The following STRBP variants were observed in gnomAD, a reference collection of about 807,000 sequenced individuals.
The protein encoded by STRBP is spermatid perinuclear RNA binding protein.
STRBP carries 13 observed loss-of-function variants against 80.1 expected under a neutral mutation model. The ratio of observed to expected loss-of-function variants is 0.16; its 90% CI spans 0.11 to 0.26. The LOEUF is 0.26. STRBP is among the 10% of genes least tolerant of loss of function. The pLI, the probability that STRBP is intolerant of heterozygous loss-of-function variation, is 1.00. For missense variants in STRBP, 485 were observed against 815.2 expected, an observed-to-expected ratio of 0.59 and a Z score of 4.93; for synonymous variants, 284 against 291.2, an observed-to-expected ratio of 0.98 and a Z score of 0.25.
chr9:123,227,863 C>G (rs746783278), intron 2 of STRBP, among the ~76,000 whole-genome samples: 2 of 152,090 alleles, frequency 1.3e-5, no homozygotes, highest in Admixed American at 1.3e-4. Context: ...CCGGCCTGAT[C>G]TGACATATTT....
intron 11 of STRBP, among the ~76,000 whole-genome samples, chr9:123,148,501 C>T (rs1349285993): frequency 6.6e-6 from 1 of 152,108 alleles, no homozygotes; most frequent in East Asian, 1.9e-4. Context: ...GTCTAGAAGG[C>T]TATATATCAA....
intron 2 of STRBP, among the ~76,000 whole-genome samples, chr9:123,210,088 T>A (rs973952063): frequency 5.9e-5 from 9 of 152,254 alleles, no homozygotes; most frequent in African/African-American, 2.2e-4. Flanking sequence ...TATATTGGTA[T>A]ATTCGAAAAT....
At chr9:123,192,311 A>T (rs1022603223) in intron 2 of STRBP, among the ~76,000 whole-genome samples, 5 of 152,206 alleles carry the variant, frequency 3.3e-5, no homozygotes, top group Non-Finnish European at 7.3e-5. Flanking sequence ...GTACCAATGA[A>T]TACAAAAAAA....
chr9:123,250,495 T>C (rs1385762271), intron 1 of STRBP, among the ~76,000 whole-genome samples: 1 of 152,150 alleles, frequency 6.6e-6, no homozygotes. Flanking sequence ...TGTTTAAGAT[T>C]GTAAAAGGGT....
rs71390418 is a variant in STRBP, at chr9:123,200,734, A to ATTTTTTTTTTTTTTTTTTTTTT, written c.-164-16458_-164-16437dup. Among the ~76,000 whole-genome samples the ATTTTTTTTTTTTTTTTTTTTTT allele has an allele frequency of 5.9e-4, 22 of 37,512 alleles. 9 individuals carry two copies. The highest frequency in any genetic ancestry group is 2.8e-3 in the African/African-American group (22 of 7,840). 24.6% of individuals were successfully genotyped at this position (37,512 alleles called of 152,430 possible). A position where few individuals can be genotyped will look rare whatever the true frequency, so the allele number is the denominator to read the frequency against. On this transcript the variant is annotated intron_variant, in intron 2 of 18. Transcript: ENST00000348403. ...AGGCGCCCCGCCACACACCCCGCTA[A>ATTTTTTTTTTTTTTTTTTTTTT]TTTTTTTTTTTTTTTTTTTTTTTTT...
rs1348594133 is a variant in STRBP at position 123,139,579 on chromosome 9, A to G, written c.1447T>C (p.Ser483Pro). The G allele has an allele frequency of 1.9e-6, 3 of 1,612,916 alleles. No individual in the cohort carries two copies. Among genetic ancestry groups the G allele is most frequent in the Non-Finnish European group, 2.5e-6 (3 of 1,179,796 alleles). Reference protein sequence around the residue: ...ESKNETVSSNSSNNTGNSTTE... With the variant: ...ESKNETVSSNPSNNTGNSTTE... ...GTAGAATTTCCAGTATTATTGCTTG[A>G]GTTTGAAGACACTGTTTCATTTTTA... The change falls in exon 14 of 19, where the codon TCA becomes CCA. Residue 483 changes from serine to proline, a missense_variant. Coordinates refer to ENST00000348403, the MANE Select transcript of STRBP (RefSeq NM_018387.5).
At chr9:123,155,753 AAGGCAG>A (rs2132381681) in intron 11 of STRBP, among the ~76,000 whole-genome samples, 1 of 152,332 alleles carries the variant, frequency 6.6e-6, no homozygotes, top group Admixed American at 6.5e-5. Context: ...TAACCAAGGA[AAGGCAG>A]AGGATAAAAT....
chr9:123,232,075 G>A (rs1020581930), intron 2 of STRBP, among the ~76,000 whole-genome samples: 101 of 152,302 alleles, frequency 6.6e-4, no homozygotes, highest in East Asian at 3.9e-4. Context: ...ACTTTGGGAG[G>A]CTGAGGCAGG....
intron 2 of STRBP, among the ~76,000 whole-genome samples, chr9:123,212,353 A>G (rs1487589168): frequency 1.3e-5 from 2 of 152,156 alleles, no homozygotes; most frequent in Non-Finnish European, 2.9e-5. Flanking sequence ...TTGTCGAATG[A>G]TTTTCATATG....
At chr9:123,214,919 G>A (rs775781536) in intron 2 of STRBP, among the ~76,000 whole-genome samples, 2 of 151,990 alleles carry the variant, frequency 1.3e-5, no homozygotes, top group South Asian at 2.1e-4. Context: ...AGATTGCTTC[G>A]CATTATAGTT....
At position 123,225,534 on chromosome 9, in the gene STRBP, A is replaced by G. The variant is rs141536089; in HGVS notation, c.-165+11296T>C. On this transcript the variant is annotated intron_variant, in intron 2 of 18. Transcript: ENST00000348403. ...ACCTTATGAGGCAGCGCCTACCTCC[A>G]GATGGTGATTCAAAAGCAAATGACT... Among the ~76,000 whole-genome samples, 245 of 152,314 alleles carry G rather than the reference A, an allele frequency of 1.6e-3. 2 individuals are homozygous for G. In the Middle Eastern group the frequency reaches 0.017, roughly 11 times the overall value.
chr9:123,192,963 ACT>A (rs1317647565), intron 2 of STRBP, among the ~76,000 whole-genome samples: 1 of 152,022 alleles, frequency 6.6e-6, no homozygotes, highest in African/African-American at 2.4e-5. Context: ...GGGAATAATG[ACT>A]CTATGCCAGA....
intron 3 of STRBP, chr9:123,114,347 G>C (rs2035611819): frequency 6.0e-6 from 1 of 167,194 alleles, no homozygotes; most frequent in South Asian, 2.1e-4. Context: ...ACTTGGGAAA[G>C]AATGTCCACG....
At position 123,123,583 on chromosome 9, in the gene STRBP, A is replaced by G; in HGVS notation, c.*2014T>C. Reference sequence around the variant, plus strand: ...GAAACCATTTGAAATGACTGCCATCATGTTGGAAAACAGCACAGCTCCCTT... The same window carrying G: ...GAAACCATTTGAAATGACTGCCATCGTGTTGGAAAACAGCACAGCTCCCTT... On this transcript the variant is annotated 3_prime_UTR_variant, in exon 19 of 19. Transcript: ENST00000348403. 2.0e-6 allele frequency: 2 copies of G among 985,176 alleles called. No individual in the cohort carries two copies. The highest frequency in any genetic ancestry group is 1.1e-4 in the East Asian group (1 of 8,806). The allele number at this position is 985,176 out of a possible 1,614,324, so 61.0% of individuals were successfully genotyped here. A position where few individuals can be genotyped will look rare whatever the true frequency, so the allele number is the denominator to read the frequency against.
chr9:123,128,596 C>T lies in STRBP; in HGVS notation c.1898-338G>A, dbSNP rs529960567. On this transcript the variant is annotated intron_variant, in intron 17 of 18. Coordinates refer to ENST00000348403, the MANE Select transcript of STRBP (RefSeq NM_018387.5). The stretch of plus-strand genomic sequence containing the variant: ...TAGCATAGACCTGGTCAAACTTATC[C>T]GTCGTCGCATCATCTGAACCTAGCA... Among the ~76,000 whole-genome samples the T allele has an allele frequency of 1.1e-4, 17 of 152,318 alleles. 1 individual carries two copies. The highest frequency in any genetic ancestry group is 8.3e-4 in the South Asian group (4 of 4,818).
chr9:123,157,641 A>G (rs1441621345), intron 11 of STRBP, among the ~76,000 whole-genome samples: 2 of 152,138 alleles, frequency 1.3e-5, no homozygotes, highest in African/African-American at 4.8e-5. Flanking sequence ...CAATCATGGC[A>G]GAAGGGGAAG....
chr9:123,241,191 A>C (rs200668696), intron 1 of STRBP, among the ~76,000 whole-genome samples: 7 of 151,860 alleles, frequency 4.6e-5, no homozygotes, highest in South Asian at 2.1e-4. Flanking sequence ...AAAAAAAAAA[A>C]AAAACAAAGT....
intron 2 of STRBP, among the ~76,000 whole-genome samples, chr9:123,212,941 T>C (rs1467232659): frequency 6.6e-6 from 1 of 152,170 alleles, no homozygotes; most frequent in Non-Finnish European, 1.5e-5. Context: ...AGAGATTAAG[T>C]GCAAATTCAG....
chr9:123,122,240 T>C lies in STRBP; in HGVS notation c.*3357A>G. On this transcript the variant is annotated 3_prime_UTR_variant, in exon 19 of 19. Coordinates refer to ENST00000348403, the MANE Select transcript of STRBP (RefSeq NM_018387.5). ...TTACAGTCACTATATCTCAGCCTAT[T>C]TTATACAAGTGATATGGCTACGAAG... The C allele has an allele frequency of 9.7e-7, 1 of 1,033,366 alleles. No homozygotes were observed. The highest frequency in any genetic ancestry group is 1.3e-5 in the South Asian group (1 of 74,550). The allele number at this position is 1,033,366 out of a possible 1,614,324, so 64.0% of individuals were successfully genotyped here.
Sources: gnomAD v4.1 joint callset for allele counts (sites outside exome capture counted in the v4.1 genomes callset) on GRCh38, gnomAD v4.1.1 for gene constraint, MANE v1.5 for transcripts, NCBI Gene and HGNC (gene_info 2026-07-23, HGNC 2026-07-21) for gene names.